TRNT1: variants seen among roughly 807,000 people sequenced by gnomAD.
The protein encoded by TRNT1 is CCA tRNA nucleotidyltransferase 1, mitochondrial.
A neutral mutation model predicts 45.6 loss-of-function variants in TRNT1; 44 were observed. The observed-to-expected ratio is 0.97, with a 90% CI of 0.76 to 1.24. The LOEUF (loss-of-function observed/expected upper bound fraction) is 1.24. Ranked by LOEUF, TRNT1 falls within the 50% of genes most tolerant of loss-of-function variation. The pLI is 0.00. For synonymous variants in TRNT1, 201 were observed against 171.4 expected, an observed-to-expected ratio of 1.17 and a Z score of -1.35; for missense variants, 633 against 504.4, an observed-to-expected ratio of 1.25 and a Z score of -2.44.
downstream of TRNT1, chr3:3,151,067 T>G (rs200041061): frequency 1.4e-5 from 22 of 1,612,542 alleles, no homozygotes; most frequent in Admixed American, 1.3e-4. Flanking sequence ...AGGAAAGATA[T>G]CAGCTAAGGA....
In TRNT1 at chr3:3,132,598, G is replaced by A. The variant is rs1236265368; in HGVS notation, c.148+3410G>A. Among the ~76,000 whole-genome samples the A allele has an allele frequency of 1.3e-4, 14 of 106,896 alleles. No individual in the cohort carries two copies. The Middle Eastern group carries it at 0.012, about 93-fold the overall frequency. The allele number at this position is 106,896 out of a possible 152,430, so 70.1% of individuals were successfully genotyped here. On this transcript the variant is annotated intron_variant, in intron 2 of 7. Transcript: ENST00000251607. Reference sequence around the variant, plus strand: ...CCTAATGCTAGATGACACGTTAGTGGGTGCAGCGCACCAGCATGGCACATG... The same window carrying A: ...CCTAATGCTAGATGACACGTTAGTGAGTGCAGCGCACCAGCATGGCACATG...
In TRNT1 at chr3:3,147,714, A is replaced by ATG. The variant is rs753967392; in HGVS notation, c.1056+11_1056+12insTG. On this transcript the variant is annotated intron_variant, in intron 7 of 7. Transcript: ENST00000251607. ...GACTTCATTATAGATGTAAGTATAT[A>ATG]CTAGGCTTGGTCAGAAATATGAAGT... 3.5e-5 allele frequency: 56 copies of ATG among 1,598,690 alleles called. No homozygotes were observed. The highest frequency in any genetic ancestry group is 4.3e-5 in the Non-Finnish European group (51 of 1,173,548).
intron 4 of TRNT1, among the ~76,000 whole-genome samples, chr3:3,141,071 CA>C (rs559055367): frequency 6.6e-6 from 1 of 150,376 alleles, no homozygotes; most frequent in African/African-American, 2.4e-5. Context: ...GACTCCATCT[CA>C]AAAAAAAAGA....
intron 2 of TRNT1, chr3:3,130,186 C>A: frequency 1.8e-6 from 1 of 562,404 alleles, no homozygotes; most frequent in Non-Finnish European, 3.2e-6. Context: ...AGAAATATGA[C>A]CTATACAGCA....
At position 3,129,447 on chromosome 3, in the gene TRNT1, C is replaced by T. The variant is rs550896463; in HGVS notation, c.148+259C>T. ...CACGTTTTCATTGTTGGAAGAAAGG[C>T]TTGGCTGGGTGTACCCAGCCTGTAA... is the stretch of plus-strand genomic sequence containing the variant. On this transcript the variant is annotated intron_variant, in intron 2 of 7. Coordinates refer to ENST00000251607, the MANE Select transcript of TRNT1 (RefSeq NM_182916.3). The T allele has an allele frequency of 7.5e-4, 315 of 421,650 alleles. 1 individual carries two copies. Among genetic ancestry groups the T allele is most frequent in the African/African-American group, 5.7e-3 (284 of 50,258 alleles). 26.1% of individuals were successfully genotyped at this position (421,650 alleles called of 1,614,324 possible). A position where few individuals can be genotyped will look rare whatever the true frequency, so the allele number is the denominator to read the frequency against.
At chr3:3,135,415 C>G (rs78964300) in intron 2 of TRNT1, among the ~76,000 whole-genome samples, 2,906 of 151,978 alleles carry the variant, frequency 0.019, 86 homozygotes, top group African/African-American at 0.066. Flanking sequence ...GCGTAATTAA[C>G]CTAGTGTTTT....
chr3:3,144,563 C>CGAAA, intron 4 of TRNT1, 21 bp from the exon 5 acceptor site: 1 of 1,563,608 alleles, frequency 6.4e-7, no homozygotes, highest in Non-Finnish European at 8.7e-7. Flanking sequence ...TGATTTTTCT[C>CGAAA]CCTCCTTTTC....
At chr3:3,133,354 G>A (rs1705130606) in intron 2 of TRNT1, among the ~76,000 whole-genome samples, 1 of 152,044 alleles carries the variant, frequency 6.6e-6, no homozygotes. Context: ...AGGAGTTAGA[G>A]ACCAGCCTGA....
chr3:3,135,851 A>G (rs906157519), intron 2 of TRNT1, among the ~76,000 whole-genome samples: 1 of 152,236 alleles, frequency 6.6e-6, no homozygotes, highest in Non-Finnish European at 1.5e-5. Context: ...GAGGAGCAAC[A>G]TGCTGAGTGA....
At chr3:3,147,775 A>C in intron 7 of TRNT1, 72 bp downstream of exon 7, 12 of 1,528,850 alleles carry the variant, frequency 7.8e-6, no homozygotes, top group Non-Finnish European at 1.1e-5. Context: ...ATTAAAACTA[A>C]GATCTACAAA....
intron 2 of TRNT1, chr3:3,136,803 C>T (rs1028036948): frequency 4.4e-5 from 15 of 341,210 alleles, no homozygotes; most frequent in South Asian, 2.3e-4. Flanking sequence ...TACAGGTGTG[C>T]GCCACTGAAC....
At chr3:3,152,066 T>G (rs527303837), downstream of TRNT1, among the ~76,000 whole-genome samples, 2 of 152,224 alleles carry the variant, frequency 1.3e-5, no homozygotes, top group African/African-American at 2.4e-5. Context: ...TGTCAACCTT[T>G]TCTTCCTTTC....
At position 3,139,735 on chromosome 3, in the gene TRNT1, C is replaced by A. The variant is rs116418022; in HGVS notation, c.343-775C>A. Among the ~76,000 whole-genome samples, 471 of 152,202 alleles carry A rather than the reference C, an allele frequency of 3.1e-3. 1 individual carries two copies. Among genetic ancestry groups the A allele is most frequent in the African/African-American group, 0.011 (439 of 41,536 alleles). On this transcript the variant is annotated intron_variant, in intron 3 of 7. Transcript: ENST00000251607. Reference sequence around the variant, plus strand: ...GGTAACTCTTTATTTTAATTTCTTTCTTTCTCTTTTGAGACAGGGTCTCAC... The same window carrying A: ...GGTAACTCTTTATTTTAATTTCTTTATTTCTCTTTTGAGACAGGGTCTCAC...
At chr3:3,137,161 TG>T (rs1559220526) in intron 2 of TRNT1, 98 bp from the exon 3 acceptor site, 1 of 927,916 alleles carries the variant, frequency 1.1e-6, no homozygotes, top group African/African-American at 1.7e-5. Flanking sequence ...GAATCTCTGC[TG>T]TTCCAACTAG....
chr3:3,148,173 A>T lies in TRNT1; in HGVS notation c.*19A>T. On this transcript the variant is annotated 3_prime_UTR_variant, in exon 8 of 8. Transcript: ENST00000251607. ...GACCTAAAACTGATGGCTACTAAAA[A>T]GCAGAGCATTTCTGGTAAGACTAAA... The T allele has an allele frequency of 1.9e-6, 3 of 1,608,722 alleles. No individual in the cohort carries two copies. Among genetic ancestry groups the T allele is most frequent in the Non-Finnish European group, 2.5e-6 (3 of 1,177,656 alleles).
At chr3:3,133,315 A>T (rs1194384810) in intron 2 of TRNT1, among the ~76,000 whole-genome samples, 1 of 152,072 alleles carries the variant, frequency 6.6e-6, no homozygotes, top group African/African-American at 2.4e-5. Flanking sequence ...GCACTTTGGG[A>T]GGCCGAGATG....
At chr3:3,136,852 C>G (rs1705360807) in intron 2 of TRNT1, 1 of 313,512 alleles carries the variant, frequency 3.2e-6, no homozygotes, top group African/African-American at 2.2e-5. Flanking sequence ...GAGTCTTGCT[C>G]TTTGCCCAGG....
chr3:3,151,924 A>G (rs975399966), downstream of TRNT1, among the ~76,000 whole-genome samples: 1 of 152,224 alleles, frequency 6.6e-6, no homozygotes, highest in Admixed American at 6.5e-5. Flanking sequence ...CCGGTTTTAC[A>G]TTACTACAGA....
chr3:3,147,821 A>G (rs769320316), intron 7 of TRNT1, 85 bp from the exon 8 acceptor site: 67 of 1,526,242 alleles, frequency 4.4e-5, no homozygotes, highest in Non-Finnish European at 5.4e-5. Flanking sequence ...GAAAAAATTT[A>G]TGTTGAGTAT....
Sources: gnomAD v4.1 joint callset for allele counts (sites outside exome capture counted in the v4.1 genomes callset) on GRCh38, gnomAD v4.1.1 for gene constraint, MANE v1.5 for transcripts, NCBI Gene and HGNC (gene_info 2026-07-23, HGNC 2026-07-21) for gene names.